Variants in GYG2 observed in about 807,000 individuals in gnomAD.
The protein encoded by GYG2 is glycogenin 2.
Under a neutral mutation model 29.4 loss-of-function variants are expected in GYG2, and 29 were observed. The observed-to-expected ratio is 0.99, with a 90% confidence interval of 0.74 to 1.35. The LOEUF is 1.35. GYG2 is among the 40% of genes most tolerant of loss of function. The pLI, the probability that GYG2 is intolerant of heterozygous loss-of-function variation, is 0.00. For synonymous variants in GYG2, 167 were observed against 172.3 expected (o/e 0.97, Z 0.24); for missense variants, 370 against 385.7 (o/e 0.96, Z 0.34).
At chrX:2,877,146 G>T in intron 9 of GYG2, 54 bp from the exon 10 acceptor site, 1 of 1,192,107 alleles carries the variant, frequency 8.4e-7, no homozygotes, top group Non-Finnish European at 1.1e-6. Context: ...TTAGGTTAGG[G>T]CTACAGTTCC....
rs773842664 is a variant in GYG2 at position 2,829,552 on chromosome X, G to A, written c.-128-509G>A. Among the ~76,000 whole-genome samples the A allele has an allele frequency of 7.1e-3, 697 of 98,552 alleles. 9 individuals carry two copies. Among genetic ancestry groups the A allele is most frequent in the African/African-American group, 0.024 (639 of 26,112 alleles). The allele number at this position is 98,552 out of a possible 115,157, so 85.6% of individuals were successfully genotyped here. On this transcript the variant is annotated intron_variant, in intron 1 of 10. Transcript: ENST00000398806. ...CGAGAGGCGCAGGGGTAGGCCGGGG[G>A]GCTGCACTGGAGTGACGAGGGAGGG...
chrX:2,880,839 C>G (rs188365588), intron 10 of GYG2, among the ~76,000 whole-genome samples: 16 of 111,912 alleles, frequency 1.4e-4, no homozygotes, highest in African/African-American at 5.2e-4. Flanking sequence ...CCCAGGAGGT[C>G]AAGGCTGCAG....
In GYG2 at chrX:2,882,436, C is replaced by T. The variant is rs1195840040; in HGVS notation, c.*1223C>T. ...AGAGGCGTGGCCACTTTTTAGGTCA[C>T]CTGAAGCAGTTTAGCCTTTGGATAG... On this transcript the variant is annotated 3_prime_UTR_variant, in exon 11 of 11. Transcript: ENST00000398806. The T allele has an allele frequency of 2.7e-5, 3 of 111,277 alleles. No homozygotes were observed. Among genetic ancestry groups the T allele is most frequent in the Non-Finnish European group, 5.6e-5 (3 of 53,098 alleles). The allele number at this position is 111,277 out of a possible 1,213,427, so 9.2% of individuals were successfully genotyped here.
At chrX:2,842,405 C>T (rs1031590058) in intron 2 of GYG2, among the ~76,000 whole-genome samples, 2 of 108,817 alleles carry the variant, frequency 1.8e-5, no homozygotes, top group Non-Finnish European at 3.8e-5. Flanking sequence ...CTGTGTTTCC[C>T]AGGCTGGTTT....
intron 6 of GYG2, among the ~76,000 whole-genome samples, chrX:2,858,112 T>C (rs5939372): frequency 0.44 from 48,440 of 109,949 alleles, 9,122 homozygotes; most frequent in Middle Eastern, 0.59. Flanking sequence ...TTGATAAATA[T>C]GCTTTCTAAT....
intron 3 of GYG2, among the ~76,000 whole-genome samples, chrX:2,853,165 C>A (rs1201910528): frequency 9.0e-6 from 1 of 111,245 alleles, no homozygotes; most frequent in African/African-American, 3.3e-5. Context: ...CAGGCGCCCA[C>A]CAGCACGCCT....
At chrX:2,880,164 ATGTG>A (rs10534403) in intron 10 of GYG2, among the ~76,000 whole-genome samples, 12,471 of 105,032 alleles carry the variant, frequency 0.12, 946 homozygotes, top group African/African-American at 0.26. Flanking sequence ...GCCAAACAAA[ATGTG>A]TGTGTGTGTG....
At position 2,861,995 on chromosome X, in the gene GYG2, A is replaced by T. The variant is rs756188889; in HGVS notation, c.1038+273A>T. Among the ~76,000 whole-genome samples the T allele has an allele frequency of 2.2e-4, 25 of 111,846 alleles. No homozygotes were observed. In the East Asian group the frequency reaches 7.1e-3, roughly 32 times the overall value. On this transcript the variant is annotated intron_variant, in intron 8 of 10. Coordinates refer to ENST00000398806, the MANE Select transcript of GYG2 (RefSeq NM_001079855.2). ...GGGCGTTTGCAGTTGTGATTAAATG[A>T]GGGACCCTGAGCTGGGGAGGTATGG...
chrX:2,837,061 G>A (rs1389073831), intron 2 of GYG2, among the ~76,000 whole-genome samples: 1 of 111,730 alleles, frequency 9.0e-6, no homozygotes, highest in Non-Finnish European at 1.9e-5. Context: ...AGAGTAGAAT[G>A]TGGGATTGGA....
At chrX:2,881,002 T>A in intron 10 of GYG2, 50 bp from the exon 11 acceptor site, 1 of 1,158,602 alleles carries the variant, frequency 8.6e-7, no homozygotes, top group East Asian at 3.0e-5. Context: ...AGTCTTTCCC[T>A]CGATAATGGA....
rs765023793 is a variant in GYG2, at chrX:2,879,716, G to C, written c.1252-1336G>C. Among the ~76,000 whole-genome samples, 4 of 112,421 alleles carry C rather than the reference G, an allele frequency of 3.6e-5. No homozygotes were observed. The South Asian group carries it at 1.5e-3, about 41-fold the overall frequency. ...TAGAGTGATAGATGATAGATAGGTA[G>C]ATAGGTAGAGAGATATTTTAGATAA... On this transcript the variant is annotated intron_variant, in intron 10 of 10. Coordinates refer to ENST00000398806, the MANE Select transcript of GYG2 (RefSeq NM_001079855.2).
intron 7 of GYG2, 40 bp from the exon 8 acceptor site, chrX:2,861,482 A>G (rs748095644): frequency 2.1e-5 from 23 of 1,089,110 alleles, no homozygotes; most frequent in Non-Finnish European, 7.6e-6. Flanking sequence ...AATTGAGGAG[A>G]CATAGGGAAG....
rs369239504 is a variant in GYG2 at position 2,860,006 on chromosome X, G to A, written c.778G>A (p.Val260Met). 2.4e-5 allele frequency: 29 copies of A among 1,202,612 alleles called. No homozygotes were observed. The South Asian group carries it at 3.1e-4, about 13-fold the overall frequency. ...HLWWTVYQNN[V>M]LPLYKSVQAG... is the part of the protein sequence containing the mutation. ...CTGGTGGACGGTCTACCAGAACAAC[G>A]TGCTGCCCCTTTATAAAAGCGTCCA... The change falls in exon 7 of 11, where the codon GTG (valine) becomes ATG (methionine). Residue 260 changes from valine to methionine, a missense_variant. Coordinates refer to ENST00000398806, the MANE Select transcript of GYG2 (RefSeq NM_001079855.2).
rs763610039 is a variant in GYG2, at chrX:2,861,613, C to T, written c.929C>T (p.Pro310Leu). 4.1e-6 allele frequency: 5 copies of T among 1,206,945 alleles called. No homozygotes were observed. The highest frequency in any genetic ancestry group is 2.2e-5 in the Admixed American group (1 of 45,876). ...AATTCAACACCCAGTGCGGGCGTGC[C>T]GTGTGCAAATTCACCACTGGGTTCT... ...CENSTPSAGV[P>L]CANSPLGSNQ... Residue 310 changes from proline (P) to leucine (L), a missense_variant, in exon 8 of 11, where the codon CCG becomes CTG. Pro to Leu is a moderately conservative substitution (Grantham distance 98). Transcript: ENST00000398806.
At chrX:2,841,543 A>G (rs145669524) in intron 2 of GYG2, among the ~76,000 whole-genome samples, 128 of 111,656 alleles carry the variant, frequency 1.1e-3, no homozygotes, top group African/African-American at 3.9e-3. Context: ...CTCACTCCCA[A>G]TGGAGATGTC....
chrX:2,864,501 C>T (rs747909866), intron 8 of GYG2, among the ~76,000 whole-genome samples: 38 of 110,382 alleles, frequency 3.4e-4, no homozygotes, highest in Non-Finnish European at 6.2e-4. Flanking sequence ...CCCTAAGCAG[C>T]TCCGCTCCCA....
In GYG2 at chrX:2,847,223, C is replaced by G. The variant is rs73632944; in HGVS notation, c.149+3869C>G. 9.5e-3 allele frequency among the ~76,000 whole-genome samples: 1,059 copies of G among 111,089 alleles called. 17 individuals are homozygous for G. Among genetic ancestry groups the G allele is most frequent in the African/African-American group, 0.031 (955 of 30,570 alleles). On this transcript the variant is annotated intron_variant, in intron 3 of 10. Transcript: ENST00000398806. ...TTTGGATTGAGAAAGCCCTCAAATA[C>G]AGGATGTTAATAAGGCAACTCTAGC...
rs10578668 is a variant in GYG2 at position 2,837,838 on chromosome X, T to TACACAC, written c.8-5349_8-5344dup. On this transcript the variant is annotated intron_variant, in intron 2 of 10. Coordinates refer to ENST00000398806, the MANE Select transcript of GYG2 (RefSeq NM_001079855.2). ...CTTTGCCATCTGCTTTGCAATTAAA[T>TACACAC]ACACACACACACACACACACACACA... Among the ~76,000 whole-genome samples, 259 of 100,337 alleles carry TACACAC rather than the reference T, an allele frequency of 2.6e-3. 1 individual carries two copies. The highest frequency in any genetic ancestry group is 7.0e-3 in the African/African-American group (192 of 27,314). The allele number at this position is 100,337 out of a possible 115,157, so 87.1% of individuals were successfully genotyped here.
chrX:2,845,669 A>T (rs762130847), intron 3 of GYG2, among the ~76,000 whole-genome samples: 4 of 106,090 alleles, frequency 3.8e-5, no homozygotes, highest in African/African-American at 1.0e-4. Flanking sequence ...ATACATTTAT[A>T]TATGCATGTG....
Sources: gnomAD v4.1 joint callset for allele counts (sites outside exome capture counted in the v4.1 genomes callset) on GRCh38, gnomAD v4.1.1 for gene constraint, MANE v1.5 for transcripts, NCBI Gene and HGNC (gene_info 2026-07-23, HGNC 2026-07-21) for gene names.